The following SEMA3E variants were observed in gnomAD, a reference collection of about 807,000 sequenced individuals.
SEMA3E encodes the protein semaphorin 3E.
A neutral mutation model predicts 93.6 loss-of-function variants in SEMA3E; 49 were observed. That is an observed-to-expected ratio of 0.52 (90% confidence interval 0.42 to 0.66). The LOEUF (loss-of-function observed/expected upper bound fraction) is 0.66. Among genes scored for constraint, SEMA3E ranks in the 30% least tolerant of loss-of-function variants. SEMA3E has a pLI of 0.00. For synonymous variants in SEMA3E, 363 were observed against 330.7 expected (o/e 1.10, Z -1.06); for missense variants, 906 against 964.8 (o/e 0.94, Z 0.81).
At chr7:83,477,432 C>T (rs1790038115) in intron 2 of SEMA3E, among the ~76,000 whole-genome samples, 1 of 151,942 alleles carries the variant, frequency 6.6e-6, no homozygotes, top group Non-Finnish European at 1.5e-5. Flanking sequence ...TTGAATAGAA[C>T]ACATTAAAAT....
chr7:83,575,058 C>T (rs995817071), intron 1 of SEMA3E, among the ~76,000 whole-genome samples: 1 of 151,996 alleles, frequency 6.6e-6, no homozygotes, highest in Non-Finnish European at 1.5e-5. Flanking sequence ...TTTCTACTTG[C>T]TGGTTTAGTT....
chr7:83,557,107 A>G (rs961956000), intron 1 of SEMA3E, among the ~76,000 whole-genome samples: 1 of 152,214 alleles, frequency 6.6e-6, no homozygotes, highest in Non-Finnish European at 1.5e-5. Context: ...TTTATAAATT[A>G]CTGAATAAAT....
At chr7:83,523,198 A>G (rs1331113743) in intron 1 of SEMA3E, among the ~76,000 whole-genome samples, 1 of 152,072 alleles carries the variant, frequency 6.6e-6, no homozygotes, top group Non-Finnish European at 1.5e-5. Flanking sequence ...GCCCCTTATT[A>G]TAATTATGGT....
At chr7:83,477,134 T>C (rs978933529) in intron 2 of SEMA3E, among the ~76,000 whole-genome samples, 19 of 152,162 alleles carry the variant, frequency 1.2e-4, no homozygotes, top group Non-Finnish European at 2.9e-5. Flanking sequence ...AACTAACGAA[T>C]ATGAAATAAT....
intron 1 of SEMA3E, among the ~76,000 whole-genome samples, chr7:83,527,619 G>A (rs12707591): frequency 0.53 from 80,188 of 151,968 alleles, 23,511 homozygotes; most frequent in Middle Eastern, 0.69. Flanking sequence ...ATTGGAAGCT[G>A]TAAGTGCAGA....
At chr7:83,549,376 G>T (rs927829261) in intron 1 of SEMA3E, among the ~76,000 whole-genome samples, 5 of 152,146 alleles carry the variant, frequency 3.3e-5, no homozygotes, top group African/African-American at 1.2e-4. Flanking sequence ...TAGAGTCCTG[G>T]TTTTACCATC....
chr7:83,429,593 C>T (rs1175161948), intron 4 of SEMA3E, among the ~76,000 whole-genome samples: 2 of 152,166 alleles, frequency 1.3e-5, no homozygotes, highest in Admixed American at 1.3e-4. Context: ...TGCCAGCCTC[C>T]TTTTCAAAAA....
chr7:83,496,015 A>G (rs1387723799), intron 1 of SEMA3E, among the ~76,000 whole-genome samples: 2 of 151,976 alleles, frequency 1.3e-5, no homozygotes, highest in Non-Finnish European at 2.9e-5. Flanking sequence ...AATAACAGTT[A>G]ATAAATATTT....
At chr7:83,594,994 T>C (rs1000845332) in intron 1 of SEMA3E, among the ~76,000 whole-genome samples, 19 of 150,846 alleles carry the variant, frequency 1.3e-4, no homozygotes, top group African/African-American at 4.4e-4. Flanking sequence ...AGACAGAAAT[T>C]AGTAGGCCTC....
chr7:83,373,203 A>C (rs1163199446), intron 16 of SEMA3E: 3 of 152,178 alleles, frequency 2.0e-5, no homozygotes, highest in African/African-American at 7.2e-5. Flanking sequence ...GGTCAGGAAG[A>C]AGCAGTTATT....
intron 1 of SEMA3E, among the ~76,000 whole-genome samples, chr7:83,625,193 G>T (rs576544907): frequency 1.3e-5 from 2 of 152,270 alleles, no homozygotes; most frequent in Non-Finnish European, 2.9e-5. Context: ...GCTTAGGATT[G>T]TCTTGGCTAT....
At chr7:83,544,422 G>C (rs1679060501) in intron 1 of SEMA3E, among the ~76,000 whole-genome samples, 1 of 152,028 alleles carries the variant, frequency 6.6e-6, no homozygotes, top group African/African-American at 2.4e-5. Context: ...TTACTCATAT[G>C]ATTTGTAGAA....
intron 1 of SEMA3E, among the ~76,000 whole-genome samples, chr7:83,556,120 C>T (rs900092831): frequency 2.6e-5 from 4 of 151,946 alleles, no homozygotes; most frequent in Non-Finnish European, 4.4e-5. Context: ...ACATGTTATA[C>T]GTTTTTATAT....
At chr7:83,512,006 T>C (rs1406344617) in intron 1 of SEMA3E, among the ~76,000 whole-genome samples, 2 of 152,202 alleles carry the variant, frequency 1.3e-5, no homozygotes, top group African/African-American at 2.4e-5. Context: ...ACAATGTCTG[T>C]TATTTCGGTA....
chr7:83,628,513 C>A (rs1277481599), intron 1 of SEMA3E, among the ~76,000 whole-genome samples: 1 of 151,642 alleles, frequency 6.6e-6, no homozygotes, highest in African/African-American at 2.4e-5. Context: ...CTAATCTTGT[C>A]TTCATGCTTT....
At chr7:83,379,244 G>C (rs901239239) in intron 16 of SEMA3E, among the ~76,000 whole-genome samples, 1 of 151,324 alleles carries the variant, frequency 6.6e-6, no homozygotes, top group Admixed American at 6.6e-5. Context: ...GGCTCCAAAA[G>C]GTGGGAGGGT....
chr7:83,563,713 T>G (rs934486554), intron 1 of SEMA3E, among the ~76,000 whole-genome samples: 4 of 152,198 alleles, frequency 2.6e-5, no homozygotes, highest in African/African-American at 9.7e-5. Flanking sequence ...AGTTATTTTT[T>G]AAATTTTTCA....
intron 4 of SEMA3E, among the ~76,000 whole-genome samples, chr7:83,434,207 A>C (rs1469955178): frequency 6.6e-6 from 1 of 152,120 alleles, no homozygotes; most frequent in East Asian, 1.9e-4. Context: ...CAGCAATTCC[A>C]GATTGTTTCA....
At chr7:83,456,396 G>A (rs939427585) in intron 4 of SEMA3E, among the ~76,000 whole-genome samples, 3 of 152,094 alleles carry the variant, frequency 2.0e-5, no homozygotes, top group African/African-American at 7.2e-5. Flanking sequence ...TAGCAGCAGG[G>A]ACACTCATTT....
Sources: allele counts gnomAD v4.1 joint callset (sites outside exome capture counted in the v4.1 genomes callset), GRCh38; gene constraint gnomAD v4.1.1; transcripts MANE v1.5; gene names NCBI Gene and HGNC (gene_info 2026-07-23, HGNC 2026-07-21).